Variants in FKBP5 observed in about 807,000 individuals in gnomAD.
FKBP5 encodes the protein FKBP prolyl isomerase 5.
A neutral mutation model predicts 50.5 loss-of-function variants in FKBP5; 23 were observed. The observed-to-expected ratio is 0.46, with a 90% CI of 0.33 to 0.65. The LOEUF is 0.65. FKBP5 is among the 30% of genes least tolerant of loss of function. The pLI, the probability that FKBP5 is intolerant of heterozygous loss-of-function variation, is 0.02. For synonymous variants in FKBP5, 176 were observed against 190.6 expected (o/e 0.92, Z 0.63); for missense variants, 411 against 553.1 (o/e 0.74, Z 2.58).
At chr6:35,577,918 G>T (rs1348972284) in intron 9 of FKBP5, among the ~76,000 whole-genome samples, 1 of 151,984 alleles carries the variant, frequency 6.6e-6, no homozygotes, top group Non-Finnish European at 1.5e-5. Flanking sequence ...GCTGGGCATG[G>T]TGGCAGGCGC....
At chr6:35,651,087 T>C (rs1764785327) in intron 1 of FKBP5, among the ~76,000 whole-genome samples, 1 of 152,162 alleles carries the variant, frequency 6.6e-6, no homozygotes, top group African/African-American at 2.4e-5. Flanking sequence ...GCAGAATGAT[T>C]TGTAACATGA....
chr6:35,683,044 CT>C (rs1765715493), intron 1 of FKBP5, among the ~76,000 whole-genome samples: 2 of 144,442 alleles, frequency 1.4e-5, no homozygotes, highest in Admixed American at 1.4e-4. Context: ...CAATCTTTTT[CT>C]TAAAAAAAGT....
chr6:35,656,809 A>C (rs529879364), intron 1 of FKBP5, among the ~76,000 whole-genome samples: 50 of 150,544 alleles, frequency 3.3e-4, no homozygotes, highest in Non-Finnish European at 4.3e-4. Flanking sequence ...AGGCAGGAGA[A>C]TTGCTTGAAC....
intron 2 of FKBP5, among the ~76,000 whole-genome samples, chr6:35,639,920 C>T (rs537550366): frequency 3.3e-5 from 5 of 152,318 alleles, no homozygotes; most frequent in African/African-American, 1.2e-4. Flanking sequence ...ACAAAACTTA[C>T]ATGTGTTAAC....
chr6:35,619,269 G>A (rs1763753419), intron 4 of FKBP5, 59 bp from the exon 5 acceptor site: 7 of 1,112,076 alleles, frequency 6.3e-6, no homozygotes, highest in Non-Finnish European at 9.4e-6. Context: ...CTGAACATAT[G>A]TGAAGGCAAG....
At chr6:35,635,585 C>T (rs1204639271) in intron 3 of FKBP5, among the ~76,000 whole-genome samples, 4 of 152,064 alleles carry the variant, frequency 2.6e-5, no homozygotes, top group Non-Finnish European at 5.9e-5. Flanking sequence ...GTTTATTTGA[C>T]ATATCTACTG....
At chr6:35,687,787 G>A (rs560133697) in intron 1 of FKBP5, among the ~76,000 whole-genome samples, 2 of 152,250 alleles carry the variant, frequency 1.3e-5, no homozygotes, top group East Asian at 3.9e-4. Context: ...ACACTGAAGG[G>A]TATCTACAAT....
intron 2 of FKBP5, among the ~76,000 whole-genome samples, chr6:35,638,626 C>T (rs1764388697): frequency 1.3e-5 from 2 of 151,966 alleles, no homozygotes; most frequent in Admixed American, 6.6e-5. Flanking sequence ...CTACATTGCC[C>T]AGGCTGGTTT....
intron 1 of FKBP5, among the ~76,000 whole-genome samples, chr6:35,679,837 G>A (rs1424806378): frequency 6.6e-6 from 1 of 151,970 alleles, no homozygotes; most frequent in African/African-American, 2.4e-5. Context: ...GGTAACAGAT[G>A]CACTAAAATC....
chr6:35,647,018 T>C (rs1314342346), intron 1 of FKBP5, among the ~76,000 whole-genome samples: 1 of 152,226 alleles, frequency 6.6e-6, no homozygotes, highest in African/African-American at 2.4e-5. Context: ...TTGTTCTCTT[T>C]GTTAAAATAT....
At chr6:35,683,008 GTC>G (rs1765714028) in intron 1 of FKBP5, among the ~76,000 whole-genome samples, 1 of 150,580 alleles carries the variant, frequency 6.6e-6, no homozygotes, top group Admixed American at 6.6e-5. Flanking sequence ...GTATGTATGT[GTC>G]TGTGTGTATA....
intron 2 of FKBP5, among the ~76,000 whole-genome samples, chr6:35,641,510 A>T (rs1449087920): frequency 6.6e-6 from 1 of 152,236 alleles, no homozygotes; most frequent in African/African-American, 2.4e-5. Flanking sequence ...ACTAGGCCAT[A>T]GGAACTTTTC....
At chr6:35,611,607 ATTAAAC>A (rs1183642487) in intron 5 of FKBP5, among the ~76,000 whole-genome samples, 5 of 152,364 alleles carry the variant, frequency 3.3e-5, no homozygotes, top group African/African-American at 9.6e-5. Context: ...AAGACCTGCA[ATTAAAC>A]TTAAAGACTG....
In FKBP5 at chr6:35,702,506, G is replaced by A. The variant is rs558088200; in HGVS notation, c.-20+17822C>T. ...CTTGCTCTGTCCCCCAGGCTGGAGT[G>A]CAGTGGCATGATCTCGGCTCACTGC... On this transcript the variant is annotated intron_variant, in intron 2 of 11. Transcript: ENST00000536438. 2.0e-5 allele frequency among the ~76,000 whole-genome samples: 3 copies of A among 151,014 alleles called. No individual in the cohort carries two copies. In the South Asian group the frequency reaches 6.3e-4, roughly 32 times the overall value.
chr6:35,625,121 T>C (rs1288077199), intron 3 of FKBP5, among the ~76,000 whole-genome samples: 1 of 152,216 alleles, frequency 6.6e-6, no homozygotes, highest in Non-Finnish European at 1.5e-5. Flanking sequence ...TCTCACTTTG[T>C]TGCCCAGGCT....
chr6:35,620,205 C>A lies in FKBP5; in HGVS notation c.320G>T (p.Cys107Phe). Reference sequence around the variant, plus strand: ...CGAGCCATATGCATATTCTGGTTTGCACAGTAAATGGCATATCTCTCCTTT... The same window carrying A: ...CGAGCCATATGCATATTCTGGTTTGAACAGTAAATGGCATATCTCTCCTTT... ...MKKGEICHLL[C>F]KPEYAYGSAG... The change falls in exon 4 of 11, where the codon TGC (cysteine) becomes TTC (phenylalanine). Residue 107 changes from cysteine to phenylalanine, a missense_variant. By Grantham distance (205) the Cys-to-Phe change is radical. This residue lies in a region of FKBP5 where 267 missense variants were observed against 405.9 expected (regional missense o/e 0.66). Transcript: ENST00000357266. 1.2e-6 allele frequency: 2 copies of A among 1,614,172 alleles called. No individual in the cohort carries two copies. Among genetic ancestry groups the A allele is most frequent in the Non-Finnish European group, 1.7e-6 (2 of 1,180,012 alleles).
intron 2 of FKBP5, among the ~76,000 whole-genome samples, chr6:35,712,058 A>G (rs2151022090): frequency 6.6e-6 from 1 of 151,188 alleles, no homozygotes; most frequent in Non-Finnish European, 1.5e-5. Context: ...AAAAAAAAAA[A>G]AAGTAGAAAC....
At chr6:35,627,424 T>G (rs1030288999) in intron 3 of FKBP5, among the ~76,000 whole-genome samples, 2 of 152,180 alleles carry the variant, frequency 1.3e-5, no homozygotes, top group Non-Finnish European at 2.9e-5. Context: ...ATTACAGGTA[T>G]GGCCACTGCA....
chr6:35,580,883 A>C, intron 8 of FKBP5: 1 of 985,222 alleles, frequency 1.0e-6, no homozygotes, highest in African/African-American at 1.7e-5. Context: ...GTTTTAGACT[A>C]TGCCACTAAA....
Sources: gnomAD v4.1 joint callset for allele counts (sites outside exome capture counted in the v4.1 genomes callset) on GRCh38, gnomAD v4.1.1 for gene constraint, gnomAD v4.1.1 regional missense constraint, MANE v1.5 for transcripts, NCBI Gene and HGNC (gene_info 2026-07-23, HGNC 2026-07-21) for gene names.